Variants in SNRPN observed in about 807,000 individuals in gnomAD.
SNRPN encodes the protein small nuclear ribonucleoprotein polypeptide N.
A neutral mutation model predicts 25.2 loss-of-function variants in SNRPN; 7 were observed. The observed-to-expected ratio is 0.28, with a 90% CI of 0.16 to 0.52. SNRPN has a LOEUF of 0.52. Among genes scored for constraint, SNRPN ranks in the 20% least tolerant of loss-of-function variants. The pLI, the probability that SNRPN is intolerant of heterozygous loss-of-function variation, is 0.96. For missense variants in SNRPN, 196 were observed against 322.5 expected (o/e 0.61, Z 3.00); for synonymous variants, 124 against 110.6 (o/e 1.12, Z -0.76).
chr15:24,855,032 T>C (rs2053259692), upstream of SNRPN, among the ~76,000 whole-genome samples: 1 of 151,930 alleles, frequency 6.6e-6, no homozygotes, highest in Non-Finnish European at 1.5e-5. Flanking sequence ...CTAGTGCTGC[T>C]CAAGAAGCCT....
intron 2 of SNRPN, among the ~76,000 whole-genome samples, chr15:24,892,341 C>CCTTCAA (rs2057744666): frequency 6.6e-6 from 1 of 152,006 alleles, no homozygotes; most frequent in South Asian, 2.1e-4. Context: ...GGATCATATC[C>CCTTCAA]AGGACTCAAA....
Position 24,863,604 on chromosome 15 carries a change from C to A in SNRPN, c.-579+6888C>A, listed in dbSNP as rs186165120. On this transcript the variant is annotated intron_variant, in intron 1 of 11. Coordinates refer to the SNRPN transcript ENST00000400097. ...TTCATGTGTACCTAGCAAAATTGAC[C>A]AAAATTCCTTATTGGTGGATTATTC... 2.4e-3 allele frequency among the ~76,000 whole-genome samples: 355 copies of A among 150,856 alleles called. 22 individuals carry two copies. Among genetic ancestry groups the A allele is most frequent in the African/African-American group, 8.2e-3 (332 of 40,338 alleles).
chr15:24,832,236 TA>T (rs970681121), intron 2 of SNRPN, among the ~76,000 whole-genome samples: 6 of 148,550 alleles, frequency 4.0e-5, no homozygotes, highest in African/African-American at 1.6e-4. Context: ...TGCAATTGTC[TA>T]TGTATGTCTT....
Position 24,898,565 on chromosome 15 carries a change from C to G in SNRPN, c.-505+11976C>G, listed in dbSNP as rs376994574. Among the ~76,000 whole-genome samples, 38 of 150,172 alleles carry G rather than the reference C, an allele frequency of 2.5e-4. No individual in the cohort carries two copies. The East Asian group carries it at 5.3e-3, about 21-fold the overall frequency. Reference sequence around the variant, plus strand: ...ATCGCACCACTGCACCCCATCCTGGCGACAGAGTGAGATCTGTCTAAAAAA... The same window carrying G: ...ATCGCACCACTGCACCCCATCCTGGGGACAGAGTGAGATCTGTCTAAAAAA... On this transcript the variant is annotated intron_variant, in intron 2 of 11. Coordinates refer to the SNRPN transcript ENST00000400097.
At chr15:24,951,470 T>C (rs1271982400), upstream of SNRPN, among the ~76,000 whole-genome samples, 1 of 151,892 alleles carries the variant, frequency 6.6e-6, no homozygotes, top group Non-Finnish European at 1.5e-5. Context: ...CCTTTGCCCA[T>C]TAAAAAAAAA....
intron 2 of SNRPN, among the ~76,000 whole-genome samples, chr15:24,834,649 T>C (rs2050853178): frequency 6.6e-6 from 1 of 150,682 alleles, no homozygotes; most frequent in Non-Finnish European, 1.5e-5. Flanking sequence ...GGAGCATCAC[T>C]TGTTACAGTG....
intron 1 of SNRPN, among the ~76,000 whole-genome samples, chr15:24,863,418 T>C (rs1423590153): frequency 2.0e-5 from 3 of 149,856 alleles, no homozygotes; most frequent in Non-Finnish European, 2.9e-5. Flanking sequence ...GTGGGCAGTG[T>C]GCAGCCTTGT....
At chr15:24,905,934 G>A (rs1200493116) in intron 2 of SNRPN, among the ~76,000 whole-genome samples, 1 of 152,142 alleles carries the variant, frequency 6.6e-6, no homozygotes. Flanking sequence ...TGATTTATTT[G>A]AAACTGTAGG....
At chr15:24,882,643 G>A (rs966133739) in intron 1 of SNRPN, among the ~76,000 whole-genome samples, 4 of 151,924 alleles carry the variant, frequency 2.6e-5, no homozygotes, top group Non-Finnish European at 5.9e-5. Context: ...TGACCAACAT[G>A]GTTAAATCCT....
intron 2 of SNRPN, among the ~76,000 whole-genome samples, chr15:24,837,495 A>T (rs1215854037): frequency 6.6e-6 from 1 of 150,486 alleles, no homozygotes; most frequent in African/African-American, 2.5e-5. Flanking sequence ...CAGCCTCCCG[A>T]GTAGCTGGGA....
chr15:24,934,698 G>T (rs894874903), intron 3 of SNRPN, among the ~76,000 whole-genome samples: 8 of 152,180 alleles, frequency 5.3e-5, no homozygotes, highest in Admixed American at 2.0e-4. Context: ...TGGAAGCAGA[G>T]GCGTGTGCCT....
chr15:24,922,576 C>T (rs1395276850), intron 3 of SNRPN, among the ~76,000 whole-genome samples: 1 of 152,160 alleles, frequency 6.6e-6, no homozygotes, highest in Non-Finnish European at 1.5e-5. Context: ...CCATGCTGCT[C>T]TTTGTAATTT....
At chr15:24,837,615 C>T (rs1038462500) in intron 2 of SNRPN, among the ~76,000 whole-genome samples, 4 of 151,912 alleles carry the variant, frequency 2.6e-5, no homozygotes, top group Non-Finnish European at 4.4e-5. Context: ...GTGATCCACC[C>T]GCCTCGGCCA....
At chr15:24,918,456 CATAATATATATGTGTATATATATAACATA>C in intron 2 of SNRPN, among the ~76,000 whole-genome samples, 1 of 115,048 alleles carries the variant, frequency 8.7e-6, no homozygotes, top group South Asian at 2.8e-4. Context: ...ATATATATAA[CATAATATATATGTGTATATATATAACATA>C]ATATATATGT....
upstream of SNRPN, among the ~76,000 whole-genome samples, chr15:24,855,971 ATATT>A (rs1309836391): frequency 6.6e-6 from 1 of 152,122 alleles, no homozygotes; most frequent in East Asian, 1.9e-4. Flanking sequence ...ATTTCTTGAA[ATATT>A]TATAGAAAAA....
At chr15:24,865,982 G>A (rs574451420) in intron 1 of SNRPN, among the ~76,000 whole-genome samples, 14 of 152,230 alleles carry the variant, frequency 9.2e-5, no homozygotes, top group East Asian at 1.9e-4. Context: ...GTCACCGACC[G>A]TAATAGTGGA....
At chr15:24,955,609 G>T (rs2062709538) in intron 1 of SNRPN, among the ~76,000 whole-genome samples, 2 of 149,008 alleles carry the variant, frequency 1.3e-5, no homozygotes, top group Admixed American at 6.7e-5. Context: ...CGACTGGGGG[G>T]GGAATTCGTC....
At chr15:24,860,246 T>C (rs574589932) in intron 1 of SNRPN, among the ~76,000 whole-genome samples, 1 of 152,314 alleles carries the variant, frequency 6.6e-6, no homozygotes, top group African/African-American at 2.4e-5. Context: ...ATTTTTAAAA[T>C]TACCTCTTTC....
intron 2 of SNRPN, among the ~76,000 whole-genome samples, chr15:24,905,602 A>G (rs1404398848): frequency 6.6e-6 from 1 of 152,136 alleles, no homozygotes; most frequent in African/African-American, 2.4e-5. Flanking sequence ...ATTAAGAATC[A>G]GCTGTAACAT....
Sources: gnomAD v4.1 joint callset for allele counts (sites outside exome capture counted in the v4.1 genomes callset) on GRCh38, gnomAD v4.1.1 for gene constraint, MANE v1.5 for transcripts, NCBI Gene and HGNC (gene_info 2026-07-23, HGNC 2026-07-21) for gene names.